CIMAP1D: variants seen among roughly 807,000 people sequenced by gnomAD.
CIMAP1D encodes CIMAP1 family member D.
chr19:469,100 C>T, the CIMAP1D span, among the ~76,000 whole-genome samples: 1 of 152,220 alleles, frequency 6.6e-6, no homozygotes, highest in Non-Finnish European at 1.5e-5. Flanking sequence ...AGGGTGATCA[C>T]TGACCCTTAG....
chr19:478,500 C>T, the CIMAP1D span, among the ~76,000 whole-genome samples: 1 of 152,242 alleles, frequency 6.6e-6, no homozygotes, highest in Non-Finnish European at 1.5e-5. Flanking sequence ...GCAGCCTCGC[C>T]AGAACGAGCT....
chr19:465,230 A>G, the CIMAP1D span, among the ~76,000 whole-genome samples: 2 of 118,632 alleles, frequency 1.7e-5, no homozygotes, highest in African/African-American at 6.4e-5. Context: ...TGTTGGGTGG[A>G]TGGTGGAAGG....
the CIMAP1D span, among the ~76,000 whole-genome samples, chr19:486,538 T>A: frequency 9.2e-5 from 14 of 151,856 alleles, no homozygotes; most frequent in Non-Finnish European, 1.9e-4. Context: ...CCTGGTGGGT[T>A]CAGGCGATTC....
the CIMAP1D span, among the ~76,000 whole-genome samples, chr19:472,901 C>G: frequency 8.0e-6 from 1 of 125,742 alleles, no homozygotes; most frequent in African/African-American, 2.9e-5. Flanking sequence ...CAGAGATACA[C>G]GGTCACAGAT....
At chr19:475,945 T>C in the CIMAP1D span, among the ~76,000 whole-genome samples, 48 of 151,314 alleles carry the variant, frequency 3.2e-4, no homozygotes, top group Admixed American at 3.1e-3. Flanking sequence ...GACTAATTTT[T>C]ATATTTTTTA....
chr19:471,338 C>T, the CIMAP1D span, among the ~76,000 whole-genome samples: 70 of 151,782 alleles, frequency 4.6e-4, no homozygotes, highest in Non-Finnish European at 9.0e-4. Context: ...TTAGTAGAGA[C>T]GGGGTTTCAC....
chr19:488,050 C>G, the CIMAP1D span, among the ~76,000 whole-genome samples: 1 of 152,100 alleles, frequency 6.6e-6, no homozygotes, highest in East Asian at 1.9e-4. Flanking sequence ...CCCTCTCACG[C>G]GGACCCCCTG....
At chr19:463,477 G>A in the CIMAP1D span, 1 of 333,582 alleles carries the variant, frequency 3.0e-6, no homozygotes. Context: ...AACCCAAGCT[G>A]TGATGGGGAT....
chr19:485,898 T>C, the CIMAP1D span, among the ~76,000 whole-genome samples: 2 of 152,216 alleles, frequency 1.3e-5, no homozygotes, highest in African/African-American at 4.8e-5. Flanking sequence ...CCCACTTCCC[T>C]GAGGCTGCTC....
the CIMAP1D span, among the ~76,000 whole-genome samples, chr19:487,410 G>A: frequency 0.04 from 6,131 of 152,226 alleles, 277 homozygotes; most frequent in East Asian, 0.22. Flanking sequence ...CTTCCCTGCT[G>A]CTCACTAGAA....
the CIMAP1D span, chr19:490,185 G>A: frequency 5.9e-6 from 2 of 339,776 alleles, no homozygotes; most frequent in Admixed American, 4.8e-5. Flanking sequence ...GCAAAACCTC[G>A]TCTCTACTAA....
chr19:468,641 C>T, the CIMAP1D span, among the ~76,000 whole-genome samples: 3 of 152,228 alleles, frequency 2.0e-5, no homozygotes, highest in Admixed American at 6.5e-5. Flanking sequence ...CCGTTTGCTG[C>T]TTTCACCATT....
chr19:479,653 T>C, the CIMAP1D span, among the ~76,000 whole-genome samples: 1 of 151,934 alleles, frequency 6.6e-6, no homozygotes, highest in East Asian at 1.9e-4. Flanking sequence ...TCCGCCTGCC[T>C]CGGCCTCCCA....
chr19:474,201 C>T, the CIMAP1D span, among the ~76,000 whole-genome samples: 1 of 152,202 alleles, frequency 6.6e-6, no homozygotes. Flanking sequence ...CCGTCCTGGG[C>T]CCTCACCGAG....
At chr19:482,842 C>T in the CIMAP1D span, among the ~76,000 whole-genome samples, 3 of 152,128 alleles carry the variant, frequency 2.0e-5, no homozygotes, top group Non-Finnish European at 2.9e-5. Context: ...ATCATACGAG[C>T]ACCCCAGCCC....
At chr19:464,031 G>A in the CIMAP1D span, 3 of 1,601,992 alleles carry the variant, frequency 1.9e-6, no homozygotes, top group Non-Finnish European at 2.6e-6. Context: ...CGGGGCCCGG[G>A]GCCGCCCCAG....
At chr19:483,219 C>T in the CIMAP1D span, among the ~76,000 whole-genome samples, 1 of 151,986 alleles carries the variant, frequency 6.6e-6, no homozygotes. Context: ...CTGCTCTCCA[C>T]CTCACAGCCA....
At chr19:483,745 C>T in the CIMAP1D span, among the ~76,000 whole-genome samples, 1 of 152,198 alleles carries the variant, frequency 6.6e-6, no homozygotes, top group Admixed American at 6.5e-5. Flanking sequence ...CTCATGGGTC[C>T]CCGGAAGCTC....
the CIMAP1D span, chr19:467,581 C>T: frequency 2.1e-6 from 2 of 968,582 alleles, no homozygotes; most frequent in East Asian, 4.8e-5. Flanking sequence ...GGAGGGAGGA[C>T]AGGGCAGGAG....
Sources: allele counts gnomAD v4.1 joint callset (sites outside exome capture counted in the v4.1 genomes callset), GRCh38; gene constraint gnomAD v4.1.1; transcripts MANE v1.5; gene names NCBI Gene and HGNC (gene_info 2026-07-23, HGNC 2026-07-21).